NXPH1: variants seen among roughly 807,000 people sequenced by gnomAD.
The protein encoded by NXPH1 is neurexophilin 1.
A neutral mutation model predicts 23.7 loss-of-function variants in NXPH1; 5 were observed. That is an observed-to-expected ratio of 0.21 (90% CI 0.11 to 0.44). The LOEUF is 0.44. Ranked by LOEUF, NXPH1 falls within the 20% of genes least tolerant of loss-of-function variation. The pLI, the probability that NXPH1 is intolerant of heterozygous loss-of-function variation, is 0.99. For synonymous variants in NXPH1, 144 were observed against 122.2 expected (o/e 1.18, Z -1.18); for missense variants, 324 against 321.6 (o/e 1.01, Z -0.06).
At chr7:8,448,048 C>T (rs932927188) in intron 2 of NXPH1, among the ~76,000 whole-genome samples, 2 of 152,198 alleles carry the variant, frequency 1.3e-5, no homozygotes, top group African/African-American at 4.8e-5. Context: ...AGATCCCTCA[C>T]TGCAATTCTT....
At chr7:8,516,353 C>A (rs1409300370) in intron 2 of NXPH1, among the ~76,000 whole-genome samples, 1 of 152,074 alleles carries the variant, frequency 6.6e-6, no homozygotes, top group Non-Finnish European at 1.5e-5. Flanking sequence ...GCAATAGAAT[C>A]ATCAATCAAT....
intron 2 of NXPH1, among the ~76,000 whole-genome samples, chr7:8,608,277 G>A (rs986108836): frequency 4.0e-5 from 6 of 151,888 alleles, no homozygotes; most frequent in Non-Finnish European, 8.8e-5. Context: ...ATAAATGGAA[G>A]TCTTGAAAGT....
At chr7:8,568,195 G>C (rs113923132) in intron 2 of NXPH1, among the ~76,000 whole-genome samples, 2 of 151,870 alleles carry the variant, frequency 1.3e-5, no homozygotes, top group African/African-American at 4.8e-5. Context: ...GACTATAACT[G>C]GTTCTAAACC....
chr7:8,681,955 C>A (rs1458283218), intron 2 of NXPH1, among the ~76,000 whole-genome samples: 2 of 152,072 alleles, frequency 1.3e-5, no homozygotes, highest in African/African-American at 4.8e-5. Context: ...AGATCCAGAA[C>A]CAGAAGTCCT....
At chr7:8,564,592 C>T (rs1818507454) in intron 2 of NXPH1, among the ~76,000 whole-genome samples, 1 of 151,792 alleles carries the variant, frequency 6.6e-6, no homozygotes, top group African/African-American at 2.4e-5. Context: ...CTGGATTGAA[C>T]ACTTACTCCA....
intron 2 of NXPH1, among the ~76,000 whole-genome samples, chr7:8,509,467 T>C (rs1203312939): frequency 6.6e-6 from 1 of 152,124 alleles, no homozygotes; most frequent in East Asian, 1.9e-4. Flanking sequence ...TTCTTTCTTC[T>C]TTTTTCTCTC....
chr7:8,647,020 T>C (rs1820408515), intron 2 of NXPH1, among the ~76,000 whole-genome samples: 1 of 151,766 alleles, frequency 6.6e-6, no homozygotes, highest in South Asian at 2.1e-4. Flanking sequence ...GATGGGACCA[T>C]AGAACAGTCA....
intron 2 of NXPH1, among the ~76,000 whole-genome samples, chr7:8,643,618 G>A (rs1354906575): frequency 6.6e-6 from 1 of 151,908 alleles, no homozygotes; most frequent in African/African-American, 2.4e-5. Flanking sequence ...TTATTGCAAA[G>A]GACATTTGAG....
chr7:8,578,011 GC>G (rs1191397421), intron 2 of NXPH1, among the ~76,000 whole-genome samples: 1 of 152,166 alleles, frequency 6.6e-6, no homozygotes, highest in Non-Finnish European at 1.5e-5. Flanking sequence ...AATACTCTGA[GC>G]CAGAAATATC....
chr7:8,731,514 T>A (rs202066219), intron 2 of NXPH1, among the ~76,000 whole-genome samples: 2 of 152,050 alleles, frequency 1.3e-5, no homozygotes, highest in Admixed American at 1.3e-4. Flanking sequence ...TACAGATGGG[T>A]TTTTGGTGTG....
At chr7:8,510,555 A>G (rs1278884250) in intron 2 of NXPH1, among the ~76,000 whole-genome samples, 6 of 152,076 alleles carry the variant, frequency 3.9e-5, no homozygotes, top group Non-Finnish European at 8.8e-5. Flanking sequence ...ATGTTTTAAA[A>G]TTTTTTAAAG....
chr7:8,647,649 T>C (rs1264852614), intron 2 of NXPH1, among the ~76,000 whole-genome samples: 1 of 152,082 alleles, frequency 6.6e-6, no homozygotes, highest in Admixed American at 6.6e-5. Context: ...GCTAGTTATG[T>C]TTAAATGATG....
intron 2 of NXPH1, among the ~76,000 whole-genome samples, chr7:8,525,324 G>C (rs1025576086): frequency 1.3e-5 from 2 of 152,022 alleles, no homozygotes; most frequent in Non-Finnish European, 2.9e-5. Flanking sequence ...AGCATTCAAG[G>C]GGTAACTTGG....
chr7:8,452,866 T>C (rs1816531234), intron 2 of NXPH1, among the ~76,000 whole-genome samples: 1 of 152,126 alleles, frequency 6.6e-6, no homozygotes, highest in Non-Finnish European at 1.5e-5. Context: ...GTAAATATAT[T>C]GGCAAAAATT....
intron 2 of NXPH1, among the ~76,000 whole-genome samples, chr7:8,632,986 A>G (rs1401332822): frequency 1.3e-5 from 2 of 152,224 alleles, no homozygotes; most frequent in African/African-American, 2.4e-5. Context: ...TCTTTTTCAA[A>G]TTGTAATTAA....
chr7:8,745,172 C>T (rs1260256863), intron 2 of NXPH1, among the ~76,000 whole-genome samples: 1 of 152,168 alleles, frequency 6.6e-6, no homozygotes, highest in African/African-American at 2.4e-5. Context: ...TGGCGTTCAG[C>T]AGTAAGAAGC....
chr7:8,448,920 C>T (rs139503907), intron 2 of NXPH1, among the ~76,000 whole-genome samples: 1 of 151,794 alleles, frequency 6.6e-6, no homozygotes, highest in East Asian at 1.9e-4. Context: ...AATAGATTGC[C>T]TAATTGAGAT....
chr7:8,608,251 T>C (rs374969741), intron 2 of NXPH1, among the ~76,000 whole-genome samples: 34 of 152,296 alleles, frequency 2.2e-4, no homozygotes, highest in African/African-American at 7.9e-4. Flanking sequence ...GAGGAAGTGA[T>C]CAGCTGTTCT....
In NXPH1 at chr7:8,545,333, C is replaced by A. The variant is rs1818183253; in HGVS notation, c.54+109566C>A. ...GTTGATCTTGTACATGCCTGTGCTGCATATCTACAGTAGAAATTGTAATTA... is the reference window on the plus strand; with the variant it reads ...GTTGATCTTGTACATGCCTGTGCTGAATATCTACAGTAGAAATTGTAATTA... On this transcript the variant is annotated intron_variant, in intron 2 of 2. Transcript: ENST00000405863. 2.0e-5 allele frequency among the ~76,000 whole-genome samples: 3 copies of A among 151,462 alleles called. No individual in the cohort carries two copies. In the South Asian group the frequency reaches 6.2e-4, roughly 31 times the overall value.
Sources: allele counts gnomAD v4.1 joint callset (sites outside exome capture counted in the v4.1 genomes callset), GRCh38; gene constraint gnomAD v4.1.1; transcripts MANE v1.5; gene names NCBI Gene and HGNC (gene_info 2026-07-23, HGNC 2026-07-21).